CSMD2: variants seen among roughly 807,000 people sequenced by gnomAD.
The protein encoded by CSMD2 is CUB and sushi domain-containing protein 2.
A neutral mutation model predicts 398.5 loss-of-function variants in CSMD2; 130 were observed. The observed-to-expected ratio is 0.33, with a 90% confidence interval of 0.28 to 0.38. The LOEUF (loss-of-function observed/expected upper bound fraction) is 0.38. Ranked by LOEUF, CSMD2 falls within the 10% of genes least tolerant of loss-of-function variation. CSMD2 has a pLI of 1.00. For missense variants in CSMD2, 3,829 were observed against 4,764.9 expected, an observed-to-expected ratio of 0.80 and a Z score of 5.78; for synonymous variants, 1,828 against 1,908.5, an observed-to-expected ratio of 0.96 and a Z score of 1.10.
intron 47 of CSMD2, 152 bp from the exon 48 acceptor site, chr1:33,581,051 C>T: frequency 1.4e-6 from 1 of 704,242 alleles, no homozygotes; most frequent in South Asian, 2.0e-5. Context: ...ACAGGCATTG[C>T]TCAAGGTGCT....
intron 52 of CSMD2, 90 bp downstream of exon 52, chr1:33,569,284 A>G: frequency 7.6e-7 from 1 of 1,323,826 alleles, no homozygotes; most frequent in Non-Finnish European, 1.0e-6. Context: ...GTGAAATGAT[A>G]CTGTTTAAAG....
chr1:34,023,371 C>A lies in CSMD2; in HGVS notation c.517+9223G>T, dbSNP rs751182567. Among the ~76,000 whole-genome samples, 4 of 152,290 alleles carry A rather than the reference C, an allele frequency of 2.6e-5. No individual in the cohort carries two copies. The East Asian group carries it at 7.7e-4, about 29-fold the overall frequency. On this transcript the variant is annotated intron_variant, in intron 3 of 70. Transcript: ENST00000373381. The stretch of plus-strand genomic sequence containing the variant: ...GATAAGGATTAGAACCCAGCCTATA[C>A]GCTATCCACTGAGCCATATGCTCAC...
At chr1:33,962,878 C>G (rs549217598) in intron 3 of CSMD2, among the ~76,000 whole-genome samples, 1 of 152,332 alleles carries the variant, frequency 6.6e-6, no homozygotes, top group African/African-American at 2.4e-5. Flanking sequence ...TCATGCAGAA[C>G]CTGTAACCAC....
At chr1:33,746,118 G>C (rs1647346303) in intron 13 of CSMD2, among the ~76,000 whole-genome samples, 1 of 152,134 alleles carries the variant, frequency 6.6e-6, no homozygotes, top group South Asian at 2.1e-4. Flanking sequence ...GTCTTAGAAG[G>C]CGTTCCTCAA....
At position 33,638,226 on chromosome 1, in the gene CSMD2, T is replaced by C. The variant is rs149722829; in HGVS notation, c.4775-1672A>G. On this transcript the variant is annotated intron_variant, in intron 29 of 70. Coordinates refer to ENST00000373381, the MANE Select transcript of CSMD2 (RefSeq NM_001281956.2). The stretch of plus-strand genomic sequence containing the variant: ...CTTTATCAAATCTGTCTTCTCCATA[T>C]GCCTAGTGTCTCTGGCCAGAATAGA... Among the ~76,000 whole-genome samples, 426 of 152,340 alleles carry C rather than the reference T, an allele frequency of 2.8e-3. 2 individuals are homozygous for C. Among genetic ancestry groups the C allele is most frequent in the Non-Finnish European group, 4.7e-3 (319 of 68,032 alleles).
intron 8 of CSMD2, 131 bp downstream of exon 8, chr1:33,820,338 C>A: frequency 1.4e-6 from 1 of 707,340 alleles, no homozygotes; most frequent in Non-Finnish European, 2.5e-6. Context: ...TAGCTCTTCT[C>A]CAGGAAGTGT....
chr1:33,900,272 C>T (rs1209179884), intron 5 of CSMD2, among the ~76,000 whole-genome samples: 1 of 152,118 alleles, frequency 6.6e-6, no homozygotes, highest in Non-Finnish European at 1.5e-5. Flanking sequence ...GGTATTTGAA[C>T]CCAACATTGA....
intron 56 of CSMD2, among the ~76,000 whole-genome samples, chr1:33,549,223 G>A (rs1337219368): frequency 6.6e-6 from 1 of 152,168 alleles, no homozygotes; most frequent in African/African-American, 2.4e-5. Flanking sequence ...CAAGGAGAAG[G>A]CTTCTGTATT....
At chr1:33,933,286 T>G (rs1165332169) in intron 4 of CSMD2, among the ~76,000 whole-genome samples, 2 of 152,098 alleles carry the variant, frequency 1.3e-5, no homozygotes, top group East Asian at 3.9e-4. Context: ...GAGTTCAAGA[T>G]TCAGAGGAAG....
Position 33,602,395 on chromosome 1 carries a change from C to G in CSMD2, c.6684G>C (p.Glu2228Asp), listed in dbSNP as rs150575122. Residue 2228 changes from glutamate (E) to aspartate (D), a missense_variant, in exon 43 of 71, where the codon GAG becomes GAC. Around this residue, in one of 5 missense-constraint regions of CSMD2, gnomAD observed 723 missense variants for 758.6 expected, o/e 0.95. Transcript: ENST00000373381. ...VRLNLSLLQT[E>D]PSGDFITIWD... ...AGATGGTGATGAAATCTCCAGAGGG[C>G]TCTGTCTGCAGCAGGCTGAGGTTGA... 1.4e-5 allele frequency: 23 copies of G among 1,613,782 alleles called. No homozygotes were observed. Among genetic ancestry groups the G allele is most frequent in the Admixed American group, 1.0e-4 (6 of 59,922 alleles).
intron 41 of CSMD2, among the ~76,000 whole-genome samples, chr1:33,609,679 T>C (rs1557616326): frequency 6.6e-6 from 1 of 152,146 alleles, no homozygotes; most frequent in African/African-American, 2.4e-5. Context: ...AAATTAACTT[T>C]AAAAAACAAA....
chr1:33,981,021 AC>A (rs1354921187), intron 3 of CSMD2, among the ~76,000 whole-genome samples: 2 of 152,254 alleles, frequency 1.3e-5, no homozygotes, highest in East Asian at 3.9e-4. Flanking sequence ...GACCAGGCGA[AC>A]CAGTCTTATT....
At chr1:34,072,928 TA>T (rs2148303348) in intron 2 of CSMD2, among the ~76,000 whole-genome samples, 1 of 152,254 alleles carries the variant, frequency 6.6e-6, no homozygotes, top group South Asian at 2.1e-4. Context: ...TCCCCTTCCA[TA>T]ACCCCCTTCG....
intron 1 of CSMD2, among the ~76,000 whole-genome samples, chr1:34,150,139 T>G (rs1640171279): frequency 6.7e-6 from 1 of 149,596 alleles, no homozygotes; most frequent in African/African-American, 2.5e-5. Context: ...TAGAGTGCAG[T>G]GGTGCAATCA....
intron 1 of CSMD2, among the ~76,000 whole-genome samples, chr1:34,136,645 C>T (rs1638782430): frequency 6.6e-6 from 1 of 152,148 alleles, no homozygotes; most frequent in Non-Finnish European, 1.5e-5. Context: ...TCCCATGATG[C>T]CTTTAATAAA....
intron 1 of CSMD2, among the ~76,000 whole-genome samples, chr1:34,094,756 A>C (rs2148389422): frequency 6.6e-6 from 1 of 152,326 alleles, no homozygotes; most frequent in South Asian, 2.1e-4. Context: ...CAGATTCATA[A>C]AGCAAGTCCT....
chr1:34,072,987 A>C (rs1655907696), intron 2 of CSMD2, among the ~76,000 whole-genome samples: 1 of 152,112 alleles, frequency 6.6e-6, no homozygotes, highest in East Asian at 1.9e-4. Flanking sequence ...TATCAAGCAG[A>C]TACCAGGGTC....
At chr1:33,926,987 T>C (rs1253207233) in intron 4 of CSMD2, among the ~76,000 whole-genome samples, 2 of 152,182 alleles carry the variant, frequency 1.3e-5, no homozygotes, top group Non-Finnish European at 2.9e-5. Flanking sequence ...CCTAGAAGAT[T>C]TGGGGTCCTT....
At chr1:33,757,298 A>G (rs951152981) in intron 13 of CSMD2, among the ~76,000 whole-genome samples, 1 of 151,882 alleles carries the variant, frequency 6.6e-6, no homozygotes, top group Non-Finnish European at 1.5e-5. Context: ...CCTAAAACTT[A>G]AAGTATAATA....
Sources: allele counts gnomAD v4.1 joint callset (sites outside exome capture counted in the v4.1 genomes callset), GRCh38; gene constraint gnomAD v4.1.1; regional missense constraint gnomAD v4.1.1; transcripts MANE v1.5; gene names NCBI Gene and HGNC (gene_info 2026-07-23, HGNC 2026-07-21).